The following TANC1 variants were observed in gnomAD, a reference collection of about 807,000 sequenced individuals.
TANC1 encodes protein TANC1.
A neutral mutation model predicts 149.7 loss-of-function variants in TANC1; 77 were observed. The ratio of observed to expected loss-of-function variants is 0.51; its 90% confidence interval spans 0.43 to 0.62. The LOEUF is 0.62. TANC1 is among the 20% of genes least tolerant of loss of function. TANC1 has a pLI of 0.00. For synonymous variants in TANC1, 854 were observed against 925.0 expected, an observed-to-expected ratio of 0.92 and a Z score of 1.39; for missense variants, 1,985 against 2,321.8, an observed-to-expected ratio of 0.85 and a Z score of 2.98.
chr2:159,000,173 G>A (rs963740702), intron 1 of TANC1, among the ~76,000 whole-genome samples: 5 of 152,144 alleles, frequency 3.3e-5, no homozygotes, highest in Non-Finnish European at 7.3e-5. Flanking sequence ...AAGGTGAACC[G>A]GGTGGTGTGT....
At position 159,163,504 on chromosome 2, in the gene TANC1, G is replaced by C; in HGVS notation, c.904G>C (p.Gly302Arg). ...AGDGPVPYSQGSSSLIMPRPN... is the reference protein window; with the variant it reads ...AGDGPVPYSQRSSSLIMPRPN... ...AGATGGTCCAGTCCCTTATTCTCAG[G>C]GCTCCAGCTCACTAATAATGCCACG... The change falls in exon 8 of 27, where the codon GGC (glycine) becomes CGC (arginine). Residue 302 changes from glycine (G) to arginine (R), a missense_variant. By Grantham distance (125) the Gly-to-Arg change is moderately radical (BLOSUM62 -2). Around this residue, in one of 3 missense-constraint regions of TANC1, gnomAD observed 557 missense variants for 612.9 expected, o/e 0.91. Coordinates refer to ENST00000263635, the MANE Select transcript of TANC1 (RefSeq NM_033394.3). 6.2e-7 allele frequency: 1 copy of C among 1,613,222 alleles called. No homozygotes were observed. Among genetic ancestry groups the C allele is most frequent in the Non-Finnish European group, 8.5e-7 (1 of 1,179,944 alleles).
At chr2:159,075,479 T>C (rs1352856551) in intron 3 of TANC1, among the ~76,000 whole-genome samples, 1 of 151,376 alleles carries the variant, frequency 6.6e-6, no homozygotes, top group Non-Finnish European at 1.5e-5. Context: ...AGGAGGCTGA[T>C]GTGGGAGGAT....
At chr2:158,974,981 G>A (rs796842534) in intron 1 of TANC1, among the ~76,000 whole-genome samples, 4 of 136,378 alleles carry the variant, frequency 2.9e-5, no homozygotes, top group African/African-American at 1.1e-4. Context: ...TCAACTCTTG[G>A]TTCAAGTGAT....
intron 2 of TANC1, among the ~76,000 whole-genome samples, chr2:159,008,430 G>A (rs1269062987): frequency 6.6e-6 from 1 of 152,166 alleles, no homozygotes; most frequent in Non-Finnish European, 1.5e-5. Flanking sequence ...TGCAGGCATA[G>A]GTTTGCTGCT....
intron 19 of TANC1, 42 bp from the exon 20 acceptor site, chr2:159,217,455 A>ACCAC: frequency 6.2e-7 from 1 of 1,612,672 alleles, no homozygotes; most frequent in Non-Finnish European, 8.5e-7. Flanking sequence ...TCTGTGCTCC[A>ACCAC]CCACATGCTA....
At chr2:158,975,287 G>A (rs1383358248) in intron 1 of TANC1, among the ~76,000 whole-genome samples, 1 of 152,090 alleles carries the variant, frequency 6.6e-6, no homozygotes, top group Non-Finnish European at 1.5e-5. Flanking sequence ...GAGATATGGA[G>A]GGTTGGGTGT....
chr2:159,101,338 T>C (rs1389490638), intron 4 of TANC1, among the ~76,000 whole-genome samples: 1 of 152,188 alleles, frequency 6.6e-6, no homozygotes, highest in East Asian at 1.9e-4. Flanking sequence ...ATAATAAAAA[T>C]ATGTATGTTA....
intron 2 of TANC1, among the ~76,000 whole-genome samples, chr2:159,034,372 G>A (rs1026944728): frequency 1.3e-5 from 2 of 152,196 alleles, no homozygotes; most frequent in African/African-American, 4.8e-5. Flanking sequence ...GACCCCATCA[G>A]GAGGACAAAA....
intron 4 of TANC1, among the ~76,000 whole-genome samples, chr2:159,109,914 G>A (rs1045601150): frequency 1.3e-5 from 2 of 152,198 alleles, no homozygotes; most frequent in Non-Finnish European, 2.9e-5. Flanking sequence ...AAGTGGAAAG[G>A]CAAAAGTTCT....
At chr2:159,004,431 AAT>A in intron 2 of TANC1, 1 of 825,830 alleles carries the variant, frequency 1.2e-6, no homozygotes, top group Non-Finnish European at 2.0e-6. Context: ...CAGTAATATA[AAT>A]ATTTTCTATA....
rs778755234 is a variant in TANC1 at position 159,230,663 on chromosome 2, G to A, written c.5237G>A (p.Cys1746Tyr). Reference sequence around the variant, plus strand: ...AATCCTCCAAGCCGCAGCTGGCACTGTCCGGCACCAGAGGGGCTGCTGACA... The same window carrying A: ...AATCCTCCAAGCCGCAGCTGGCACTATCCGGCACCAGAGGGGCTGCTGACA... ...QSNPPSRSWH[C>Y]PAPEGLLTNT... Residue 1746 changes from cysteine to tyrosine, a missense_variant, in exon 27 of 27, where the codon TGT (cysteine) becomes TAT (tyrosine). Coordinates refer to ENST00000263635, the MANE Select transcript of TANC1 (RefSeq NM_033394.3). The surrounding 1 kb of genome is among the most constrained non-coding windows in gnomAD (Gnocchi z 4.4). 1.9e-6 allele frequency: 3 copies of A among 1,614,100 alleles called. No individual in the cohort carries two copies. The African/African-American group carries it at 4.0e-5, about 22-fold the overall frequency.
intron 4 of TANC1, among the ~76,000 whole-genome samples, chr2:159,105,618 A>T (rs1327379797): frequency 2.0e-5 from 3 of 152,212 alleles, no homozygotes; most frequent in Non-Finnish European, 2.9e-5. Context: ...ACCACTTTTG[A>T]TGGTCGCTCC....
chr2:159,087,114 C>T (rs144456170), intron 3 of TANC1, among the ~76,000 whole-genome samples: 3,554 of 150,526 alleles, frequency 0.024, 80 homozygotes, highest in Non-Finnish European at 0.032. Context: ...GTAAGAGATT[C>T]TTTCTGCACT....
At chr2:159,014,187 A>C (rs929828460) in intron 2 of TANC1, among the ~76,000 whole-genome samples, 1 of 152,216 alleles carries the variant, frequency 6.6e-6, no homozygotes, top group African/African-American at 2.4e-5. Context: ...AATTTACAAA[A>C]GAAAGAGGTT....
In TANC1 at chr2:159,057,996, G is replaced by A. The variant is rs547572361; in HGVS notation, c.-15-7900G>A. Reference sequence around the variant, plus strand: ...TAGGGAGGTAAGTCTCAGCTAGGGAGCACTCAGGTGACAGGGAAATGAAGA... The same window carrying A: ...TAGGGAGGTAAGTCTCAGCTAGGGAACACTCAGGTGACAGGGAAATGAAGA... On this transcript the variant is annotated intron_variant, in intron 2 of 26. Transcript: ENST00000263635. 5.9e-5 allele frequency among the ~76,000 whole-genome samples: 9 copies of A among 152,298 alleles called. No individual in the cohort carries two copies. The South Asian group carries it at 1.9e-3, about 32-fold the overall frequency.
chr2:158,983,037 T>G (rs1292031195), intron 1 of TANC1, among the ~76,000 whole-genome samples: 3 of 152,240 alleles, frequency 2.0e-5, no homozygotes, highest in Non-Finnish European at 4.4e-5. Flanking sequence ...TCGAGATAAG[T>G]TCTTGATTTC....
At chr2:159,058,216 G>T (rs946670744) in intron 2 of TANC1, among the ~76,000 whole-genome samples, 5 of 152,138 alleles carry the variant, frequency 3.3e-5, no homozygotes, top group African/African-American at 7.2e-5. Flanking sequence ...CCTTCTGTGT[G>T]CCTATTTGAA....
chr2:159,207,936 C>T (rs2058738701), intron 19 of TANC1, among the ~76,000 whole-genome samples: 1 of 151,856 alleles, frequency 6.6e-6, no homozygotes, highest in Non-Finnish European at 1.5e-5. Flanking sequence ...TTATTTAAAT[C>T]CAATAGCATC....
At chr2:159,079,335 A>AGT (rs1209105390) in intron 3 of TANC1, among the ~76,000 whole-genome samples, 24 of 138,278 alleles carry the variant, frequency 1.7e-4, no homozygotes, top group African/African-American at 6.5e-4. Flanking sequence ...TTGGCTGAAA[A>AGT]GTGTGTGTGT....
Sources: gnomAD v4.1 joint callset for allele counts (sites outside exome capture counted in the v4.1 genomes callset) on GRCh38, gnomAD v4.1.1 for gene constraint, gnomAD v4.1.1 regional missense constraint, Gnocchi (gnomAD v3.1) non-coding constraint, MANE v1.5 for transcripts, NCBI Gene and HGNC (gene_info 2026-07-23, HGNC 2026-07-21) for gene names.